Variants in APBA1 observed in about 807,000 individuals in gnomAD.
The protein encoded by APBA1 is amyloid beta precursor protein binding family A member 1, also known as amyloid-beta A4 precursor protein-binding family A member 1.
APBA1 carries 55 observed loss-of-function variants against 86.6 expected under a neutral mutation model. The ratio of observed to expected loss-of-function variants is 0.64; its 90% CI spans 0.51 to 0.80. The LOEUF is 0.80. Ranked by LOEUF, APBA1 falls within the 30% of genes least tolerant of loss-of-function variation. APBA1 has a pLI of 0.00. For synonymous variants in APBA1, 511 were observed against 493.9 expected (o/e 1.03, Z -0.46); for missense variants, 1,090 against 1,183.0 (o/e 0.92, Z 1.15).
intron 11 of APBA1, among the ~76,000 whole-genome samples, chr9:69,436,559 C>G (rs895074340): frequency 3.4e-5 from 4 of 117,476 alleles, no homozygotes; most frequent in Non-Finnish European, 5.3e-5. Context: ...TGGGAGTTCA[C>G]TCATGATTTG....
At chr9:69,431,527 G>T in intron 12 of APBA1, 129 bp from the exon 13 acceptor site, 1 of 736,246 alleles carries the variant, frequency 1.4e-6, no homozygotes, top group Non-Finnish European at 2.2e-6. Context: ...CTACCGCCCA[G>T]CCACCACCAG....
rs1215788313 is a variant in APBA1, at chr9:69,428,765, G to A, written c.*2562C>T. On this transcript the variant is annotated 3_prime_UTR_variant, in exon 13 of 13. Coordinates refer to ENST00000265381, the MANE Select transcript of APBA1 (RefSeq NM_001163.4). ...TGGCTGCTGAGGTGACCATACCTAG[G>A]CTCACTCCCTTGCCCCAGTGGTAGT... 2 of 152,156 alleles carry A rather than the reference G, an allele frequency of 1.3e-5. No homozygotes were observed. Among genetic ancestry groups the A allele is most frequent in the African/African-American group, 4.8e-5 (2 of 41,442 alleles). The allele number at this position is 152,156 out of a possible 1,614,324, so 9.4% of individuals were successfully genotyped here.
At chr9:69,603,241 C>A (rs1350313215) in intron 1 of APBA1, among the ~76,000 whole-genome samples, 5 of 152,188 alleles carry the variant, frequency 3.3e-5, no homozygotes, top group African/African-American at 4.8e-5. Context: ...CTGACAAAGG[C>A]AAAACCGTCA....
intron 1 of APBA1, among the ~76,000 whole-genome samples, chr9:69,653,418 A>G (rs1033209503): frequency 6.6e-6 from 1 of 152,216 alleles, no homozygotes; most frequent in African/African-American, 2.4e-5. Context: ...CAGTAAATCA[A>G]CAGAGAAACA....
Position 69,516,457 on chromosome 9 carries a change from C to A in APBA1, c.754G>T (p.Glu252Ter). The change falls in exon 2 of 13, where the codon GAG (glutamate) becomes TAG (stop). Residue 252 changes from glutamate (E) to a stop codon, truncating the protein, a stop_gained. Coordinates refer to ENST00000265381, the MANE Select transcript of APBA1 (RefSeq NM_001163.4). LOFTEE classifies it high-confidence loss of function. The surrounding 1 kb of genome is among the most constrained non-coding windows in gnomAD (Gnocchi z 7.3). ...CGCGGGTAGGGCGCGAACTCGGCCTCCTTCTCGGGGCTGTCGGACTCGCCG... is the reference window on the plus strand; with the variant it reads ...CGCGGGTAGGGCGCGAACTCGGCCTACTTCTCGGGGCTGTCGGACTCGCCG... Reference protein sequence around the residue: ...SDGESDSPEKEAEFAPYPRMD... With the variant: ...SDGESDSPEK The A allele has an allele frequency of 6.2e-7, 1 of 1,603,450 alleles. No individual in the cohort carries two copies. Among genetic ancestry groups the A allele is most frequent in the Non-Finnish European group, 8.5e-7 (1 of 1,178,696 alleles).
rs2133985911 is a variant in APBA1, at chr9:69,616,438, C to G, written c.-70+55715G>C. 2.0e-5 allele frequency among the ~76,000 whole-genome samples: 3 copies of G among 152,264 alleles called. 1 individual carries two copies. In the South Asian group the frequency reaches 6.2e-4, roughly 32 times the overall value. On this transcript the variant is annotated intron_variant, in intron 1 of 12. Coordinates refer to ENST00000265381, the MANE Select transcript of APBA1 (RefSeq NM_001163.4). ...AATACCTTTAAGCCTAGGTTCACGG[C>G]TCAAAACCATGCGAACTGGGATTGT...
intron 1 of APBA1, among the ~76,000 whole-genome samples, chr9:69,578,025 C>A (rs886355455): frequency 3.3e-5 from 5 of 152,156 alleles, no homozygotes; most frequent in African/African-American, 9.7e-5. Flanking sequence ...AAATGAAGGA[C>A]CCTAGATTGG....
At chr9:69,505,769 G>C (rs1235399682) in intron 2 of APBA1, among the ~76,000 whole-genome samples, 1 of 152,070 alleles carries the variant, frequency 6.6e-6, no homozygotes, top group African/African-American at 2.4e-5. Flanking sequence ...TGTAATCCCA[G>C]TATTTTGGGA....
chr9:69,642,433 A>G (rs781670790), intron 1 of APBA1, among the ~76,000 whole-genome samples: 3 of 152,192 alleles, frequency 2.0e-5, no homozygotes, highest in Non-Finnish European at 4.4e-5. Flanking sequence ...AATACCTAAA[A>G]CTAAAAAGCC....
At chr9:69,568,677 C>T (rs1837068622) in intron 1 of APBA1, among the ~76,000 whole-genome samples, 1 of 152,172 alleles carries the variant, frequency 6.6e-6, no homozygotes, top group African/African-American at 2.4e-5. Flanking sequence ...AGCAAATCCA[C>T]ATGTTCAATG....
Position 69,521,104 on chromosome 9 carries a change from C to T in APBA1, c.-69-3825G>A, listed in dbSNP as rs58250571. Among the ~76,000 whole-genome samples, 1,221 of 152,304 alleles carry T rather than the reference C, an allele frequency of 8.0e-3. 15 individuals carry two copies. Among genetic ancestry groups the T allele is most frequent in the African/African-American group, 0.028 (1,157 of 41,546 alleles). ...ATGAAGAGTACTGCCATTATCAGCT[C>T]TTCTGAAAATGAAGAAACAAGTGAT... On this transcript the variant is annotated intron_variant, in intron 1 of 12. Transcript: ENST00000265381.
At chr9:69,449,437 G>A in intron 10 of APBA1, 147 bp downstream of exon 10, 2 of 714,536 alleles carry the variant, frequency 2.8e-6, no homozygotes, top group Non-Finnish European at 4.8e-6. Flanking sequence ...TAAGCTTCCT[G>A]AGTGCAAGTC....
chr9:69,521,665 A>T (rs958726537), intron 1 of APBA1, among the ~76,000 whole-genome samples: 7 of 152,210 alleles, frequency 4.6e-5, no homozygotes, highest in African/African-American at 1.7e-4. Context: ...GACTGAGGAG[A>T]GGACATTATG....
At chr9:69,535,932 C>CT (rs1382205685) in intron 1 of APBA1, among the ~76,000 whole-genome samples, 1 of 152,114 alleles carries the variant, frequency 6.6e-6, no homozygotes, top group East Asian at 1.9e-4. Context: ...CTCTGGCTCA[C>CT]TTTTTTCTGT....
At chr9:69,634,200 T>C (rs1823109168) in intron 1 of APBA1, among the ~76,000 whole-genome samples, 1 of 152,112 alleles carries the variant, frequency 6.6e-6, no homozygotes, top group Non-Finnish European at 1.5e-5. Flanking sequence ...AACGACCATG[T>C]GGTGTGGAGA....
chr9:69,443,084 T>C (rs937130760), intron 10 of APBA1, among the ~76,000 whole-genome samples: 1 of 152,136 alleles, frequency 6.6e-6, no homozygotes, highest in Non-Finnish European at 1.5e-5. Flanking sequence ...TTATCCAGCT[T>C]TACTATGCTT....
At chr9:69,469,998 A>C (rs1294698839) in intron 4 of APBA1, among the ~76,000 whole-genome samples, 6 of 152,232 alleles carry the variant, frequency 3.9e-5, no homozygotes, top group Non-Finnish European at 5.9e-5. Flanking sequence ...TTCACTGAGA[A>C]GGTCCCTTTT....
intron 11 of APBA1, among the ~76,000 whole-genome samples, chr9:69,433,462 C>T (rs1315063938): frequency 6.6e-6 from 1 of 152,246 alleles, no homozygotes; most frequent in East Asian, 1.9e-4. Flanking sequence ...CTGTGTGATT[C>T]TGAGTGTGTG....
intron 2 of APBA1, among the ~76,000 whole-genome samples, chr9:69,512,277 G>C (rs1489940025): frequency 6.6e-6 from 1 of 152,106 alleles, no homozygotes; most frequent in African/African-American, 2.4e-5. Flanking sequence ...AGTGCTGAGA[G>C]AGTGTTCAGT....
Sources: gnomAD v4.1 joint callset for allele counts (sites outside exome capture counted in the v4.1 genomes callset) on GRCh38, gnomAD v4.1.1 for gene constraint, Gnocchi (gnomAD v3.1) non-coding constraint, MANE v1.5 for transcripts, NCBI Gene and HGNC (gene_info 2026-07-23, HGNC 2026-07-21) for gene names.